The following DNAH2 variants were observed in gnomAD, a reference collection of about 807,000 sequenced individuals.
DNAH2 encodes the protein axonemal beta dynein heavy chain 2.
A neutral mutation model predicts 523.5 loss-of-function variants in DNAH2; 323 were observed. The observed-to-expected ratio is 0.62, with a 90% CI of 0.56 to 0.68. DNAH2 has a LOEUF of 0.68. Ranked by LOEUF, DNAH2 falls within the 30% of genes least tolerant of loss-of-function variation. DNAH2 has a pLI of 0.00. For missense variants in DNAH2, 4,907 were observed against 5,701.5 expected, an observed-to-expected ratio of 0.86 and a Z score of 4.49; for synonymous variants, 2,093 against 2,177.4, an observed-to-expected ratio of 0.96 and a Z score of 1.08.
chr17:7,831,015 T>C lies in DNAH2; in HGVS notation c.12231-71T>C. ...GCTGGACAAATTGGACATGCATAGGTTTGGGGTCTTGGCCTGGCATTGAGG... is the reference window on the plus strand; with the variant it reads ...GCTGGACAAATTGGACATGCATAGGCTTGGGGTCTTGGCCTGGCATTGAGG... On this transcript the variant is annotated intron_variant, in intron 79 of 85. Coordinates refer to ENST00000572933, the MANE Select transcript of DNAH2 (RefSeq NM_020877.5). The surrounding 1 kb of genome is among the most constrained non-coding windows in gnomAD (Gnocchi z 4.2). 6.5e-7 allele frequency: 1 copy of C among 1,536,638 alleles called. No individual in the cohort carries two copies. The highest frequency in any genetic ancestry group is 1.7e-5 in the Admixed American group (1 of 59,194).
chr17:7,780,403 G>C lies in DNAH2; in HGVS notation c.5850+119G>C, dbSNP rs190033233. On this transcript the variant is annotated intron_variant, in intron 37 of 85. Coordinates refer to ENST00000572933, the MANE Select transcript of DNAH2 (RefSeq NM_020877.5). The surrounding 1 kb of genome is among the most constrained non-coding windows in gnomAD (Gnocchi z 4.4). ...TATCCTCTAAGGAACTTAGACTATT[G>C]TCAGTAGGATGTGTGGGGAGAAAAA... 6.6e-7 allele frequency: 1 copy of C among 1,510,406 alleles called. No individual in the cohort carries two copies. The highest frequency in any genetic ancestry group is 1.4e-5 in the African/African-American group (1 of 71,484). The allele number at this position is 1,510,406 out of a possible 1,614,324, so 93.6% of individuals were successfully genotyped here.
At position 7,831,443 on chromosome 17, in the gene DNAH2, T is replaced by C. The variant is rs1206170898; in HGVS notation, c.12513T>C (p.Tyr4171=). ...AGAAGATCCCTGAAATGATCGACTATGAGGGGACTCAAAAACTGCTAGCTC... is the reference window on the plus strand; with the variant it reads ...AGAAGATCCCTGAAATGATCGACTACGAGGGGACTCAAAAACTGCTAGCTC... ...VKQKIPEMID[Y]EGTQKLLALD... is the part of the protein sequence containing the mutation. Residue 4171 remains tyrosine, a synonymous_variant, in exon 81 of 86, where the codon TAT becomes TAC. Transcript: ENST00000572933. This position sits in a 1 kb window ranked among gnomAD's most constrained non-coding sequence, Gnocchi z 4.2. 1 of 1,614,158 alleles carries C rather than the reference T, an allele frequency of 6.2e-7. No individual in the cohort carries two copies. Among genetic ancestry groups the C allele is most frequent in the Non-Finnish European group, 8.5e-7 (1 of 1,180,002 alleles).
intron 64 of DNAH2, 137 bp from the exon 65 acceptor site, chr17:7,817,153 A>G: frequency 4.1e-6 from 5 of 1,221,956 alleles, no homozygotes; most frequent in Non-Finnish European, 4.4e-6. Context: ...TAGAGTTGTC[A>G]GGACACACAG....
rs575781146 is a variant in DNAH2 at position 7,768,623 on chromosome 17, C to T, written c.3941+356C>T. Among the ~76,000 whole-genome samples, 69 of 152,110 alleles carry T rather than the reference C, an allele frequency of 4.5e-4. No individual in the cohort carries two copies. In the South Asian group the frequency reaches 0.013, roughly 30 times the overall value. On this transcript the variant is annotated intron_variant, in intron 24 of 85. Transcript: ENST00000572933. ...ATAGATTGTTATTAACCATTGTTGC[C>T]GTGATGTACAGGAGATCATCCCTCT...
rs151108480 is a variant in DNAH2, at chr17:7,753,668, C to T, written c.1905-3423C>T. On this transcript the variant is annotated intron_variant, in intron 12 of 85. Coordinates refer to ENST00000572933, the MANE Select transcript of DNAH2 (RefSeq NM_020877.5). ...TACCATGTTAAAACCTACAGGCTTG[C>T]TGGGTGCTGTGGCTCACGCCTGTAA... Among the ~76,000 whole-genome samples, 414 of 152,278 alleles carry T rather than the reference C, an allele frequency of 2.7e-3. 3 individuals are homozygous for T. Among genetic ancestry groups the T allele is most frequent in the African/African-American group, 7.7e-3 (319 of 41,554 alleles).
intron 12 of DNAH2, among the ~76,000 whole-genome samples, chr17:7,752,956 C>T (rs2075730572): frequency 6.6e-6 from 1 of 152,116 alleles, no homozygotes; most frequent in South Asian, 2.1e-4. Context: ...ACACTGGGCC[C>T]ACATTTCCAG....
intron 58 of DNAH2, 135 bp downstream of exon 58, chr17:7,802,152 T>A: frequency 8.0e-7 from 1 of 1,255,382 alleles, no homozygotes; most frequent in Non-Finnish European, 1.1e-6. Flanking sequence ...GAAGAGGGAG[T>A]TGGGGCTTCC....
intron 12 of DNAH2, among the ~76,000 whole-genome samples, chr17:7,748,624 T>G (rs2075582520): frequency 6.6e-6 from 1 of 152,044 alleles, no homozygotes; most frequent in Non-Finnish European, 1.5e-5. Flanking sequence ...GCTTCCTGAG[T>G]ACTGGGAACA....
At chr17:7,791,146 T>C (rs868061132) in intron 44 of DNAH2, among the ~76,000 whole-genome samples, 3 of 152,092 alleles carry the variant, frequency 2.0e-5, no homozygotes, top group South Asian at 2.1e-4. Flanking sequence ...CCATCTCGGC[T>C]CACTGCAACC....
chr17:7,833,389 C>T lies in DNAH2; in HGVS notation c.13140C>T (p.Ser4380=), dbSNP rs2078250664. ...TCTCCTTTCCCCCAGGCATGTACTC[C>T]TGCCCCTGCTATTACTATCCCAACC... ...SRKKSAKGMY[S]CPCYYYPNRA... is the part of the protein sequence containing the mutation. Residue 4380 remains serine (S), a synonymous_variant, in exon 86 of 86, where the codon TCC becomes TCT. Coordinates refer to ENST00000572933, the MANE Select transcript of DNAH2 (RefSeq NM_020877.5). The T allele has an allele frequency of 6.2e-7, 1 of 1,614,144 alleles. No homozygotes were observed. Among genetic ancestry groups the T allele is most frequent in the Non-Finnish European group, 8.5e-7 (1 of 1,180,034 alleles).
intron 77 of DNAH2, among the ~76,000 whole-genome samples, chr17:7,829,729 A>G (rs1271531225): frequency 6.6e-6 from 1 of 151,976 alleles, no homozygotes; most frequent in Admixed American, 6.6e-5. Flanking sequence ...CGAGAGGATC[A>G]AAAGTGGTGG....
chr17:7,768,025 GT>G lies in DNAH2; in HGVS notation c.3804del (p.Arg1269ValfsTer6), dbSNP rs761896272. ...ETMETTAHGLFRRLTKLAKEY... is the reference protein window; with the variant it reads ...ETMETTAHGLXRRLTKLAKEY... ...CCATGGAGACCACGGCCCACGGGCT[GT>G]TTCGTCGCCTCACAAAATTAGCCAA... On this transcript the variant is annotated frameshift_variant, in exon 23 of 86. Coordinates refer to ENST00000572933, the MANE Select transcript of DNAH2 (RefSeq NM_020877.5). LOFTEE classifies it high-confidence loss of function. The G allele has an allele frequency of 1.2e-6, 2 of 1,614,152 alleles. No homozygotes were observed. The highest frequency in any genetic ancestry group is 3.3e-5 in the Admixed American group (2 of 60,022).
chr17:7,823,875 A>T lies in DNAH2; in HGVS notation c.11371A>T (p.Ile3791Phe), dbSNP rs1567760301. The T allele has an allele frequency of 6.2e-7, 1 of 1,614,112 alleles. No individual in the cohort carries two copies. The highest frequency in any genetic ancestry group is 2.2e-5 in the East Asian group (1 of 44,874). ...NACNEMQRML[I>F]VRSLRQDRVA... ...CTGCAATGAAATGCAACGGATGCTG[A>T]TCGTTCGCTCCCTGCGCCAGGACCG... The change falls in exon 75 of 86, where the codon ATC becomes TTC. Residue 3791 changes from isoleucine to phenylalanine, a missense_variant. Ile to Phe is a conservative substitution (Grantham distance 21). Coordinates refer to ENST00000572933, the MANE Select transcript of DNAH2 (RefSeq NM_020877.5).
chr17:7,812,194 G>C (rs1342417359), intron 63 of DNAH2, among the ~76,000 whole-genome samples: 1 of 152,174 alleles, frequency 6.6e-6, no homozygotes, highest in African/African-American at 2.4e-5. Context: ...ATTAATATAA[G>C]AGATACAATC....
chr17:7,765,509 CG>C lies in DNAH2; in HGVS notation c.3457del (p.Ala1153GlnfsTer31), dbSNP rs1567662488. On this transcript the variant is annotated frameshift_variant, in exon 21 of 86. Coordinates refer to ENST00000572933, the MANE Select transcript of DNAH2 (RefSeq NM_020877.5). LOFTEE classifies it high-confidence loss of function. ...KEKFKTGLIH[S>X]ADDFKKKAHT... ...AAATTCAAGACAGGCCTGATCCACT[CG>C]GCAGATGACTTCAAGAAGAAAGCAC... 1 of 1,614,210 alleles carries C rather than the reference CG, an allele frequency of 6.2e-7. No individual in the cohort carries two copies. Among genetic ancestry groups the C allele is most frequent in the Non-Finnish European group, 8.5e-7 (1 of 1,180,048 alleles).
intron 39 of DNAH2, among the ~76,000 whole-genome samples, chr17:7,784,470 G>A (rs1440420282): frequency 6.6e-6 from 1 of 152,142 alleles, no homozygotes; most frequent in South Asian, 2.1e-4. Flanking sequence ...CTGAGGTCAG[G>A]ACTTCAAGGC....
intron 7 of DNAH2, among the ~76,000 whole-genome samples, chr17:7,736,409 G>A (rs1230550957): frequency 1.3e-5 from 2 of 152,206 alleles, no homozygotes; most frequent in Non-Finnish European, 2.9e-5. Context: ...ACGAATGAGA[G>A]TGATATGCGG....
intron 45 of DNAH2, 34 bp from the exon 46 acceptor site, chr17:7,792,218 G>A: frequency 6.2e-7 from 1 of 1,609,602 alleles, no homozygotes; most frequent in Non-Finnish European, 8.5e-7. Flanking sequence ...GCTCAAGGAA[G>A]GCTTTGGTAA....
intron 3 of DNAH2, among the ~76,000 whole-genome samples, chr17:7,725,919 G>GAT (rs1399185238): frequency 1.3e-5 from 2 of 152,098 alleles, no homozygotes; most frequent in Non-Finnish European, 2.9e-5. Flanking sequence ...CTTTAAGAGA[G>GAT]ATTCCTTCTT....
Sources: gnomAD v4.1 joint callset for allele counts (sites outside exome capture counted in the v4.1 genomes callset) on GRCh38, gnomAD v4.1.1 for gene constraint, Gnocchi (gnomAD v3.1) non-coding constraint, MANE v1.5 for transcripts, NCBI Gene and HGNC (gene_info 2026-07-23, HGNC 2026-07-21) for gene names.